The following TBXAS1 variants were observed in gnomAD, a reference collection of about 807,000 sequenced individuals.
TBXAS1 encodes thromboxane A synthase 1, also known as thromboxane-A synthase.
Under a neutral mutation model 60.7 loss-of-function variants are expected in TBXAS1, and 48 were observed. The observed-to-expected ratio is 0.79, with a 90% CI of 0.63 to 1.01. The LOEUF (loss-of-function observed/expected upper bound fraction) is 1.01. TBXAS1 is among the 50% of genes least tolerant of loss of function. The pLI, the probability that TBXAS1 is intolerant of heterozygous loss-of-function variation, is 0.00. For missense variants in TBXAS1, 685 were observed against 686.3 expected (o/e 1.00, Z 0.02); for synonymous variants, 287 against 269.7 (o/e 1.06, Z -0.63).
intron 9 of TBXAS1, among the ~76,000 whole-genome samples, chr7:139,964,838 G>T (rs1380052139): frequency 2.0e-5 from 3 of 152,222 alleles, no homozygotes; most frequent in African/African-American, 7.2e-5. Flanking sequence ...CATTTAGAGA[G>T]CCATGGGGCG....
intron 1 of TBXAS1, among the ~76,000 whole-genome samples, chr7:139,868,102 T>A (rs1801556821): frequency 6.6e-6 from 1 of 152,212 alleles, no homozygotes; most frequent in African/African-American, 2.4e-5. Flanking sequence ...TAAGTATCCT[T>A]GATGTAAACA....
chr7:139,829,421 G>A lies in TBXAS1; in HGVS notation c.31G>A (p.Val11Met), dbSNP rs758831195. 3.2e-5 allele frequency: 52 copies of A among 1,613,890 alleles called. No homozygotes were observed. Among genetic ancestry groups the A allele is most frequent in the Non-Finnish European group, 4.2e-5 (49 of 1,179,978 alleles). Residue 11 changes from valine (V) to methionine (M), a missense_variant, in exon 1 of 13, where the codon GTG (valine) becomes ATG (methionine). Transcript: ENST00000448866. MEALGFLKLEVNGPMVTVALS... is the reference protein window; with the variant it reads MEALGFLKLEMNGPMVTVALS... Reference sequence around the variant, plus strand: ...AGCCTTGGGGTTTCTAAAATTGGAAGTGAATGGCCCCATGGTGACGGTGGC... The same window carrying A: ...AGCCTTGGGGTTTCTAAAATTGGAAATGAATGGCCCCATGGTGACGGTGGC...
intron 4 of TBXAS1, among the ~76,000 whole-genome samples, chr7:139,803,484 A>AT (rs926187926): frequency 1.3e-5 from 2 of 152,146 alleles, no homozygotes; most frequent in African/African-American, 4.8e-5. Flanking sequence ...AGAAAAACCC[A>AT]TTTTCTGGAG....
At chr7:139,865,767 G>A (rs1326556028) in intron 1 of TBXAS1, among the ~76,000 whole-genome samples, 2 of 114,890 alleles carry the variant, frequency 1.7e-5, no homozygotes, top group African/African-American at 6.9e-5. Flanking sequence ...AAGGGAGGGA[G>A]GGAAGGAAGA....
chr7:140,007,101 A>C lies in TBXAS1; in HGVS notation c.1145A>C (p.Glu382Ala). ...DVFKEKHMAP[E>A]FCSLEEGLPY... ...CGACCCCTCCATCAGATGGCCCCTG[A>C]GTTCTGCAGCCTCGAGGAAGGCCTG... Residue 382 changes from glutamate (E) to alanine (A), a missense_variant, in exon 10 of 13, where the codon GAG (glutamate) becomes GCG (alanine). Physicochemically the swap from Glu to Ala is moderately radical, Grantham distance 107. Transcript: ENST00000448866. The C allele has an allele frequency of 6.2e-7, 1 of 1,614,128 alleles. No individual in the cohort carries two copies. Among genetic ancestry groups the C allele is most frequent in the South Asian group, 1.1e-5 (1 of 91,078 alleles).
In TBXAS1 at chr7:139,941,176, T is replaced by G. The variant is rs115371155; in HGVS notation, c.450+4869T>G. Among the ~76,000 whole-genome samples, 510 of 152,332 alleles carry G rather than the reference T, an allele frequency of 3.3e-3. 4 individuals are homozygous for G. Among genetic ancestry groups the G allele is most frequent in the African/African-American group, 0.012 (493 of 41,574 alleles). ...CTGAATTTGTAAGTAGTCTTTGGACTTTTGTTATCAAACATCAGAGTTTAT... is the reference window on the plus strand; with the variant it reads ...CTGAATTTGTAAGTAGTCTTTGGACGTTTGTTATCAAACATCAGAGTTTAT... On this transcript the variant is annotated intron_variant, in intron 5 of 12. Coordinates refer to ENST00000448866, the MANE Select transcript of TBXAS1 (RefSeq NM_001061.7).
intron 4 of TBXAS1, among the ~76,000 whole-genome samples, chr7:139,821,791 G>T (rs1318673162): frequency 6.6e-6 from 1 of 152,194 alleles, no homozygotes; most frequent in Non-Finnish European, 1.5e-5. Flanking sequence ...AGCCCTTTCT[G>T]TCCAAACCCC....
chr7:140,011,416 T>G (rs1814611571), intron 10 of TBXAS1, among the ~76,000 whole-genome samples: 2 of 152,146 alleles, frequency 1.3e-5, no homozygotes, highest in African/African-American at 4.8e-5. Context: ...AATTTAAGTA[T>G]TCTTCTAGAA....
At chr7:139,955,239 G>A (rs1292265174) in intron 6 of TBXAS1, among the ~76,000 whole-genome samples, 1 of 152,060 alleles carries the variant, frequency 6.6e-6, no homozygotes, top group Non-Finnish European at 1.5e-5. Context: ...CCAGGTCTTC[G>A]TGTCTCCTCC....
chr7:139,951,762 G>A (rs1247779082), intron 5 of TBXAS1, among the ~76,000 whole-genome samples: 3 of 137,456 alleles, frequency 2.2e-5, no homozygotes, highest in Admixed American at 7.6e-5. Flanking sequence ...AACAAAGCAA[G>A]ACTCTGTCTA....
intron 5 of TBXAS1, among the ~76,000 whole-genome samples, chr7:139,951,426 G>C (rs1809243268): frequency 6.6e-6 from 1 of 151,598 alleles, no homozygotes; most frequent in African/African-American, 2.4e-5. Context: ...TAAGGCAGGA[G>C]GGGTGTATGC....
At chr7:139,837,529 G>A (rs548185703) in intron 1 of TBXAS1, among the ~76,000 whole-genome samples, 14 of 152,316 alleles carry the variant, frequency 9.2e-5, no homozygotes, top group Admixed American at 5.9e-4. Flanking sequence ...GATGAGATTG[G>A]AGACTATTAT....
intron 10 of TBXAS1, among the ~76,000 whole-genome samples, chr7:140,012,321 C>T (rs939375631): frequency 6.6e-6 from 1 of 152,064 alleles, no homozygotes; most frequent in Non-Finnish European, 1.5e-5. Context: ...CAATCGAACC[C>T]TATAGTCACA....
At position 139,988,478 on chromosome 7, in the gene TBXAS1, C is replaced by T. The variant is rs144474630; in HGVS notation, c.1135-18613C>T. On this transcript the variant is annotated intron_variant, in intron 9 of 12. Transcript: ENST00000448866. ...GTGAAGCTCCTTGGCCTACCAGCTC[C>T]CTTTGTGTTCACCTTGACCAGCCCC... Among the ~76,000 whole-genome samples, 90 of 152,330 alleles carry T rather than the reference C, an allele frequency of 5.9e-4. 1 individual carries two copies. The highest frequency in any genetic ancestry group is 1.3e-3 in the Admixed American group (20 of 15,300).
rs1345033043 is a variant in TBXAS1 at position 139,829,427 on chromosome 7, G to A, written c.37G>A (p.Gly13Ser). Reference sequence around the variant, plus strand: ...GGGGTTTCTAAAATTGGAAGTGAATGGCCCCATGGTGACGGTGGCCCTGTC... The same window carrying A: ...GGGGTTTCTAAAATTGGAAGTGAATAGCCCCATGGTGACGGTGGCCCTGTC... ...ALGFLKLEVNGPMVTVALSVA... is the reference protein window; with the variant it reads ...ALGFLKLEVNSPMVTVALSVA... The change falls in exon 1 of 13, where the codon GGC becomes AGC. Residue 13 changes from glycine to serine, a missense_variant. Physicochemically the swap from Gly to Ser is moderately conservative, Grantham distance 56. Coordinates refer to ENST00000448866, the MANE Select transcript of TBXAS1 (RefSeq NM_001061.7). 6.2e-7 allele frequency: 1 copy of A among 1,613,998 alleles called. No homozygotes were observed. The highest frequency in any genetic ancestry group is 1.1e-5 in the South Asian group (1 of 90,998).
intron 10 of TBXAS1, among the ~76,000 whole-genome samples, chr7:140,014,348 T>C (rs1417693774): frequency 6.6e-6 from 1 of 152,038 alleles, no homozygotes; most frequent in Non-Finnish European, 1.5e-5. Context: ...ACTTCGAGGA[T>C]TCTGTGGACC....
chr7:139,796,021 A>C (rs778110878), intron 4 of TBXAS1, among the ~76,000 whole-genome samples: 16 of 152,182 alleles, frequency 1.1e-4, no homozygotes, highest in Non-Finnish European at 1.9e-4. Flanking sequence ...ATATACACAA[A>C]AAATATGTGT....
At chr7:139,961,318 G>T (rs1273802663) in intron 8 of TBXAS1, among the ~76,000 whole-genome samples, 1 of 152,224 alleles carries the variant, frequency 6.6e-6, no homozygotes, top group African/African-American at 2.4e-5. Flanking sequence ...GCCCTAAGCT[G>T]CACAGAAGTG....
chr7:139,912,242 T>C (rs1445799384), intron 4 of TBXAS1, among the ~76,000 whole-genome samples: 2 of 151,846 alleles, frequency 1.3e-5, no homozygotes, highest in African/African-American at 4.8e-5. Context: ...AGACGCTGTC[T>C]CAAAAAAATT....
Sources: gnomAD v4.1 joint callset for allele counts (sites outside exome capture counted in the v4.1 genomes callset) on GRCh38, gnomAD v4.1.1 for gene constraint, MANE v1.5 for transcripts, NCBI Gene and HGNC (gene_info 2026-07-23, HGNC 2026-07-21) for gene names.